Variants in PTPRA observed in about 807,000 individuals in gnomAD.
The protein encoded by PTPRA is protein tyrosine phosphatase receptor type A.
Under a neutral mutation model 104.8 loss-of-function variants are expected in PTPRA, and 25 were observed. The ratio of observed to expected loss-of-function variants is 0.24; its 90% CI spans 0.17 to 0.33. The LOEUF (loss-of-function observed/expected upper bound fraction) is 0.33. Ranked by LOEUF, PTPRA falls within the 10% of genes least tolerant of loss-of-function variation. The pLI is 1.00. For missense variants in PTPRA, 765 were observed against 1,015.3 expected, an observed-to-expected ratio of 0.75 and a Z score of 3.35; for synonymous variants, 323 against 368.9, an observed-to-expected ratio of 0.88 and a Z score of 1.43.
intron 2 of PTPRA, among the ~76,000 whole-genome samples, chr20:2,926,769 C>CTTTTTTTTTTTTTTTTTTTTTTTTTCTT (rs777386962): frequency 5.9e-5 from 5 of 85,024 alleles, no homozygotes; most frequent in Admixed American, 1.6e-4. Context: ...TTTCCTTTTC[C>CTTTTTTTTTTTTTTTTTTTTTTTTTCTT]TTTTTTTTTT....
chr20:2,883,743 A>G (rs1404613481), intron 1 of PTPRA, among the ~76,000 whole-genome samples: 1 of 151,768 alleles, frequency 6.6e-6, no homozygotes, highest in Non-Finnish European at 1.5e-5. Context: ...AATCATTATA[A>G]GCTATAACTT....
intron 12 of PTPRA, among the ~76,000 whole-genome samples, chr20:3,016,271 T>A (rs555173058): frequency 3.9e-5 from 6 of 152,280 alleles, no homozygotes; most frequent in Admixed American, 3.3e-4. Flanking sequence ...CCAGGCTGGT[T>A]CTCCCCCAGC....
At chr20:2,909,849 A>G (rs1345269583) in intron 1 of PTPRA, among the ~76,000 whole-genome samples, 2 of 126,710 alleles carry the variant, frequency 1.6e-5, no homozygotes, top group Admixed American at 1.8e-4. Context: ...ATAATATAAG[A>G]TAATATATAT....
At chr20:3,036,777 C>T (rs576648565) in intron 22 of PTPRA, among the ~76,000 whole-genome samples, 34 of 152,342 alleles carry the variant, frequency 2.2e-4, no homozygotes, top group Non-Finnish European at 4.1e-4. Context: ...AGCAGATACA[C>T]ACCAGTGTAG....
the PTPRA span, chr20:2,864,412 T>G: frequency 1.2e-6 from 2 of 1,613,930 alleles, no homozygotes; most frequent in South Asian, 1.1e-5. The surrounding 1 kb of genome is among the most constrained non-coding windows in gnomAD (Gnocchi z 5.2). Context: ...CCGAGGAGAT[T>G]TTTTCATGAC....
intron 9 of PTPRA, 76 bp downstream of exon 9, chr20:2,988,550 G>A: frequency 6.5e-7 from 1 of 1,547,240 alleles, no homozygotes; most frequent in Non-Finnish European, 8.7e-7. Context: ...GATCTTTGGA[G>A]TCATGAAGTA....
At chr20:3,019,029 G>C (rs575589331) in intron 13 of PTPRA, among the ~76,000 whole-genome samples, 1 of 138,956 alleles carries the variant, frequency 7.2e-6, no homozygotes, top group Non-Finnish European at 1.6e-5. Context: ...CGGGCGGGGG[G>C]GCTGACCCCC....
chr20:3,011,831 G>T (rs768735901), intron 11 of PTPRA, among the ~76,000 whole-genome samples: 1 of 152,190 alleles, frequency 6.6e-6, no homozygotes. Flanking sequence ...CTCAGATGCT[G>T]CTCAGCAAAG....
chr20:2,926,398 C>G (rs79760362), intron 2 of PTPRA, among the ~76,000 whole-genome samples: 10 of 152,180 alleles, frequency 6.6e-5, no homozygotes, highest in Admixed American at 5.2e-4. Flanking sequence ...GGCATTCTCT[C>G]TGTATCTTCA....
intron 20 of PTPRA, among the ~76,000 whole-genome samples, chr20:3,031,961 A>G (rs1257844958): frequency 6.6e-6 from 1 of 152,212 alleles, no homozygotes; most frequent in Admixed American, 6.5e-5. Context: ...AAACAGTGCC[A>G]AATGCTCTCA....
chr20:2,907,406 A>G (rs1046157992), intron 1 of PTPRA, among the ~76,000 whole-genome samples: 3 of 152,238 alleles, frequency 2.0e-5, no homozygotes, highest in Non-Finnish European at 4.4e-5. Context: ...TGTTTCTGAC[A>G]ATGGTTAAGC....
chr20:2,981,099 A>T (rs1020812976), intron 6 of PTPRA, among the ~76,000 whole-genome samples: 2 of 152,000 alleles, frequency 1.3e-5, no homozygotes, highest in African/African-American at 4.8e-5. Context: ...ATACTTAACA[A>T]TCATATGCAG....
In PTPRA at chr20:3,026,682, T is replaced by C; in HGVS notation, c.1615-5T>C. ...GTAATGTTTCCCCTCCCCTTCCCAA[T>C]TCAGAAGTTAACATCAATCAAAATC... On this transcript the variant is annotated splice_polypyrimidine_tract_variant and splice_region_variant and intron_variant, in intron 17 of 23. Transcript: ENST00000399903. 6.2e-7 allele frequency: 1 copy of C among 1,602,032 alleles called. No individual in the cohort carries two copies. Among genetic ancestry groups the C allele is most frequent in the Non-Finnish European group, 8.6e-7 (1 of 1,169,024 alleles).
chr20:3,002,756 A>C (rs938502425), intron 9 of PTPRA, among the ~76,000 whole-genome samples: 5 of 152,274 alleles, frequency 3.3e-5, no homozygotes, highest in South Asian at 4.1e-4. Context: ...ATTCTTTAAC[A>C]TGGAAAATGG....
At chr20:3,003,894 C>T (rs532258899) in intron 9 of PTPRA, among the ~76,000 whole-genome samples, 31 of 152,028 alleles carry the variant, frequency 2.0e-4, no homozygotes, top group Non-Finnish European at 3.8e-4. Context: ...AAGAGGAGAA[C>T]AGATCAAATA....
chr20:2,880,914 C>T lies in PTPRA; in HGVS notation c.-129+7154C>T, dbSNP rs1159378423. ...GTCCCACTTACTTGGGAGGCTGAGG[C>T]AGAGGATTGCTTGAACCCAGGAGTT... On this transcript the variant is annotated intron_variant, in intron 1 of 23. Transcript: ENST00000399903. Among the ~76,000 whole-genome samples, 3 of 151,806 alleles carry T rather than the reference C, an allele frequency of 2.0e-5. No homozygotes were observed. The East Asian group carries it at 5.8e-4, about 29-fold the overall frequency.
intron 2 of PTPRA, among the ~76,000 whole-genome samples, chr20:2,932,522 C>T: frequency 6.6e-6 from 1 of 152,146 alleles, no homozygotes; most frequent in East Asian, 1.9e-4. Flanking sequence ...GGAAAGATCT[C>T]AAATGGGATC....
intron 20 of PTPRA, among the ~76,000 whole-genome samples, chr20:3,028,852 T>C (rs2065273131): frequency 6.6e-6 from 1 of 152,114 alleles, no homozygotes; most frequent in Admixed American, 6.5e-5. Flanking sequence ...GAAGGACTCA[T>C]TAGAAATGCG....
intron 13 of PTPRA, among the ~76,000 whole-genome samples, chr20:3,018,197 AGG>A (rs906075932): frequency 7.2e-5 from 11 of 152,048 alleles, no homozygotes; most frequent in African/African-American, 1.2e-4. Flanking sequence ...AAAGCCACAG[AGG>A]GGTTTTTTTT....
Sources: allele counts gnomAD v4.1 joint callset (sites outside exome capture counted in the v4.1 genomes callset), GRCh38; gene constraint gnomAD v4.1.1; non-coding constraint Gnocchi (gnomAD v3.1); transcripts MANE v1.5; gene names NCBI Gene and HGNC (gene_info 2026-07-23, HGNC 2026-07-21).